SGCZ: variants seen among roughly 807,000 people sequenced by gnomAD.
The protein encoded by SGCZ is sarcoglycan zeta.
SGCZ carries 40 observed loss-of-function variants against 41.3 expected under a neutral mutation model. The observed-to-expected ratio is 0.97, with a 90% CI of 0.75 to 1.26. The LOEUF is 1.26. SGCZ is among the 50% of genes most tolerant of loss of function. SGCZ has a pLI of 0.00. For missense variants in SGCZ, 552 were observed against 369.8 expected (o/e 1.49, Z -4.04); for synonymous variants, 206 against 137.5 (o/e 1.50, Z -3.49).
At chr8:15,190,270 G>T (rs482244) in intron 1 of SGCZ, among the ~76,000 whole-genome samples, 1 of 151,942 alleles carries the variant, frequency 6.6e-6, no homozygotes, top group African/African-American at 2.4e-5. Context: ...CATCATCTGC[G>T]TAGAACAACC....
At chr8:14,215,691 A>G (rs1207587895) in intron 4 of SGCZ, among the ~76,000 whole-genome samples, 1 of 152,324 alleles carries the variant, frequency 6.6e-6, no homozygotes, top group South Asian at 2.1e-4. Context: ...CTTTAGAATA[A>G]TAAGATATCA....
In SGCZ at chr8:14,329,432, T is replaced by C. The variant is rs139915526; in HGVS notation, c.235-5228A>G. Among the ~76,000 whole-genome samples the C allele has an allele frequency of 1.4e-3, 206 of 152,328 alleles. 2 individuals carry two copies. The highest frequency in any genetic ancestry group is 4.7e-3 in the African/African-American group (197 of 41,582). On this transcript the variant is annotated intron_variant, in intron 2 of 7. Transcript: ENST00000382080. ...AATTAATATTTTAAAAAGTAGATTG[T>C]CTAATCAACACATTTAAAAAATATC...
chr8:14,122,093 T>G lies in SGCZ; in HGVS notation c.548-13858A>C, dbSNP rs577160968. 1.0e-3 allele frequency among the ~76,000 whole-genome samples: 156 copies of G among 152,170 alleles called. 1 individual carries two copies. The highest frequency in any genetic ancestry group is 3.6e-3 in the African/African-American group (148 of 41,518). ...GGAGATCGAGACCATCCTGCTAACA[T>G]GGTGAAACCCGGTCTCTACTAAAAA... On this transcript the variant is annotated intron_variant, in intron 5 of 7. Transcript: ENST00000382080.
intron 1 of SGCZ, among the ~76,000 whole-genome samples, chr8:15,042,020 T>C (rs1804117109): frequency 6.6e-6 from 1 of 152,206 alleles, no homozygotes; most frequent in Non-Finnish European, 1.5e-5. Context: ...TGTATATTCT[T>C]TGGGTTTATT....
chr8:14,477,141 ACTAATT>A (rs889103331), intron 2 of SGCZ, among the ~76,000 whole-genome samples: 3 of 152,010 alleles, frequency 2.0e-5, no homozygotes, highest in African/African-American at 7.3e-5. Context: ...CATTTTTGTG[ACTAATT>A]TACAGTAATA....
At chr8:14,795,237 A>G (rs1216284320) in intron 1 of SGCZ, among the ~76,000 whole-genome samples, 1 of 152,210 alleles carries the variant, frequency 6.6e-6, no homozygotes, top group Non-Finnish European at 1.5e-5. Context: ...AAGCATACAT[A>G]TGTATATTCA....
At chr8:14,567,070 C>T (rs2117221055) in intron 1 of SGCZ, among the ~76,000 whole-genome samples, 1 of 152,354 alleles carries the variant, frequency 6.6e-6, no homozygotes, top group East Asian at 1.9e-4. Context: ...TCTTAGCTGC[C>T]TCCCAGTGGG....
chr8:14,617,414 C>A (rs1205248414), intron 1 of SGCZ, among the ~76,000 whole-genome samples: 3 of 152,076 alleles, frequency 2.0e-5, no homozygotes, highest in Non-Finnish European at 4.4e-5. Flanking sequence ...TATCACGTTT[C>A]ATTTATCTGT....
At chr8:14,138,920 A>T (rs1803283666) in intron 5 of SGCZ, among the ~76,000 whole-genome samples, 1 of 152,214 alleles carries the variant, frequency 6.6e-6, no homozygotes. Context: ...ACTTATTCCA[A>T]AACTGACCAC....
rs971974989 is a variant in SGCZ, at chr8:14,808,582, AG to A, written c.40-253657del. On this transcript the variant is annotated intron_variant, in intron 1 of 7. Coordinates refer to ENST00000382080, the MANE Select transcript of SGCZ (RefSeq NM_139167.4). ...GATCATTAAAAAGTCAGGAAACAAC[AG>A]GTGCTGGAGAGGATGTGGAGAAATA... 2.5e-3 allele frequency among the ~76,000 whole-genome samples: 380 copies of A among 152,310 alleles called. 1 individual carries two copies. The highest frequency in any genetic ancestry group is 9.0e-3 in the African/African-American group (373 of 41,556).
chr8:15,156,897 C>A (rs55760582), intron 1 of SGCZ, among the ~76,000 whole-genome samples: 36,594 of 148,090 alleles, frequency 0.25, 4,827 homozygotes, highest in East Asian at 0.55. Flanking sequence ...GTAAGCCGAG[C>A]ATGCAGCATC....
rs1260250549 is a variant in SGCZ, at chr8:14,620,823, A to C, written c.40-65897T>G. Among the ~76,000 whole-genome samples the C allele has an allele frequency of 1.3e-5, 2 of 152,148 alleles. 1 individual carries two copies. The highest frequency in any genetic ancestry group is 2.9e-5 in the Non-Finnish European group (2 of 68,034). Reference sequence around the variant, plus strand: ...GGAAAGGATGTGGAGAAATAGGAACACTTTTACACTGTTGGTGGGACTGTA... The same window carrying C: ...GGAAAGGATGTGGAGAAATAGGAACCCTTTTACACTGTTGGTGGGACTGTA... On this transcript the variant is annotated intron_variant, in intron 1 of 7. Coordinates refer to ENST00000382080, the MANE Select transcript of SGCZ (RefSeq NM_139167.4).
chr8:14,411,741 TA>T (rs1437554659), intron 2 of SGCZ, among the ~76,000 whole-genome samples: 1 of 152,138 alleles, frequency 6.6e-6, no homozygotes. Flanking sequence ...TTTCCATGAT[TA>T]TATATAAAGA....
chr8:14,376,168 G>A (rs1384041317), intron 2 of SGCZ, among the ~76,000 whole-genome samples: 10 of 151,810 alleles, frequency 6.6e-5, no homozygotes, highest in Admixed American at 5.2e-4. Flanking sequence ...AAAATTAGCC[G>A]GGCATGGTGG....
At chr8:14,435,070 C>T (rs894088836) in intron 2 of SGCZ, among the ~76,000 whole-genome samples, 2 of 152,016 alleles carry the variant, frequency 1.3e-5, no homozygotes, top group African/African-American at 4.8e-5. Context: ...ATGTATTTTG[C>T]CCTCAAAGTC....
intron 3 of SGCZ, among the ~76,000 whole-genome samples, chr8:14,318,869 G>C (rs1039660648): frequency 1.3e-5 from 2 of 151,356 alleles, no homozygotes; most frequent in Non-Finnish European, 1.5e-5. Context: ...CAAACTCATA[G>C]ACAGTAAAAA....
At chr8:14,838,768 C>T (rs977649773) in intron 1 of SGCZ, among the ~76,000 whole-genome samples, 3 of 152,170 alleles carry the variant, frequency 2.0e-5, no homozygotes, top group Non-Finnish European at 2.9e-5. Flanking sequence ...CTTGTGCCTC[C>T]CTTGTATCTT....
chr8:15,218,075 A>G (rs1002162557), intron 1 of SGCZ, among the ~76,000 whole-genome samples: 5 of 152,232 alleles, frequency 3.3e-5, no homozygotes, highest in African/African-American at 4.8e-5. Context: ...TAGCCCATTT[A>G]CATAAAATAC....
chr8:14,643,499 A>G (rs988539621), intron 1 of SGCZ, among the ~76,000 whole-genome samples: 2 of 151,604 alleles, frequency 1.3e-5, no homozygotes, highest in African/African-American at 4.8e-5. Flanking sequence ...TGGAATGAGC[A>G]GATGCGAAGA....
Sources: gnomAD v4.1 joint callset for allele counts (sites outside exome capture counted in the v4.1 genomes callset) on GRCh38, gnomAD v4.1.1 for gene constraint, MANE v1.5 for transcripts, NCBI Gene and HGNC (gene_info 2026-07-23, HGNC 2026-07-21) for gene names.